Variants in NEK10 observed in about 807,000 individuals in gnomAD.
The protein encoded by NEK10 is NIMA related kinase 10, also known as serine/threonine-protein kinase Nek10.
A neutral mutation model predicts 159.8 loss-of-function variants in NEK10; 122 were observed. The ratio of observed to expected loss-of-function variants is 0.76; its 90% confidence interval spans 0.66 to 0.89. NEK10 has a LOEUF of 0.89. Among genes scored for constraint, NEK10 ranks in the 40% least tolerant of loss-of-function variants. The pLI is 0.00. For synonymous variants in NEK10, 466 were observed against 457.1 expected (o/e 1.02, Z -0.25); for missense variants, 1,342 against 1,323.1 (o/e 1.01, Z -0.22).
intron 19 of NEK10, among the ~76,000 whole-genome samples, chr3:27,289,814 C>A (rs1033695440): frequency 2.0e-5 from 3 of 152,138 alleles, no homozygotes; most frequent in Non-Finnish European, 4.4e-5. Flanking sequence ...ATAAAATAAA[C>A]AATTAATGAT....
chr3:27,170,096 A>G (rs1174732138), intron 29 of NEK10, among the ~76,000 whole-genome samples: 2 of 152,192 alleles, frequency 1.3e-5, no homozygotes, highest in African/African-American at 4.8e-5. Flanking sequence ...AATGACGTCT[A>G]AAGAACCCCC....
At chr3:27,210,459 A>G (rs1281257292) in intron 23 of NEK10, among the ~76,000 whole-genome samples, 1 of 152,144 alleles carries the variant, frequency 6.6e-6, no homozygotes, top group Non-Finnish European at 1.5e-5. Context: ...ATACTGCCAC[A>G]TGGGGAATTA....
At chr3:27,186,681 T>C (rs1423828811) in intron 26 of NEK10, among the ~76,000 whole-genome samples, 2 of 152,214 alleles carry the variant, frequency 1.3e-5, no homozygotes, top group Non-Finnish European at 2.9e-5. Flanking sequence ...TCTATTTTGC[T>C]AACTGTGGTA....
chr3:27,196,309 G>A (rs1949552216), intron 25 of NEK10, among the ~76,000 whole-genome samples: 1 of 152,176 alleles, frequency 6.6e-6, no homozygotes, highest in African/African-American at 2.4e-5. Flanking sequence ...GCCCTTAAAA[G>A]GGACAGGAAC....
intron 29 of NEK10, among the ~76,000 whole-genome samples, chr3:27,164,231 G>T (rs925980158): frequency 6.6e-6 from 1 of 152,146 alleles, no homozygotes; most frequent in Non-Finnish European, 1.5e-5. Flanking sequence ...TTGAAAAGAG[G>T]CATGATGACA....
At position 27,358,630 on chromosome 3, in the gene NEK10, A is replaced by G. The variant is rs1434568122; in HGVS notation, c.-37-5711T>C. 2.6e-5 allele frequency among the ~76,000 whole-genome samples: 4 copies of G among 152,146 alleles called. No individual in the cohort carries two copies. In the East Asian group the frequency reaches 7.7e-4, roughly 29 times the overall value. On this transcript the variant is annotated intron_variant, in intron 1 of 35. Coordinates refer to ENST00000691995, the MANE Select transcript of NEK10 (RefSeq NM_001394966.1). ...GAGTGTAATTAATCTAAATTGTGCA[A>G]TATTAACCTACTAACTAAATAACAT...
At chr3:27,206,076 C>T (rs1203049525) in intron 23 of NEK10, among the ~76,000 whole-genome samples, 1 of 152,180 alleles carries the variant, frequency 6.6e-6, no homozygotes, top group East Asian at 1.9e-4. Flanking sequence ...GAGGGCAGAG[C>T]CCTCATGACC....
At chr3:27,118,681 CAG>C (rs1346516674) in intron 33 of NEK10, among the ~76,000 whole-genome samples, 5 of 152,184 alleles carry the variant, frequency 3.3e-5, no homozygotes, top group Non-Finnish European at 5.9e-5. Context: ...TTCATTTCAT[CAG>C]AGTTTCTATG....
intron 23 of NEK10, among the ~76,000 whole-genome samples, chr3:27,248,175 C>T (rs1356781625): frequency 6.6e-6 from 1 of 152,132 alleles, no homozygotes; most frequent in African/African-American, 2.4e-5. Context: ...GTGGTAGCCA[C>T]TAATTATTCT....
chr3:27,272,722 C>G (rs2041465714), intron 22 of NEK10, among the ~76,000 whole-genome samples: 1 of 152,156 alleles, frequency 6.6e-6, no homozygotes, highest in Admixed American at 6.5e-5. Context: ...ACCAGGTACT[C>G]AAGATAAGAT....
At chr3:27,237,554 T>C (rs1334291159) in intron 23 of NEK10, among the ~76,000 whole-genome samples, 1 of 152,200 alleles carries the variant, frequency 6.6e-6, no homozygotes, top group Non-Finnish European at 1.5e-5. Flanking sequence ...GGTCCCTGAC[T>C]TCCCACAACA....
At chr3:27,323,023 G>A (rs987110747) in intron 5 of NEK10, among the ~76,000 whole-genome samples, 1 of 152,154 alleles carries the variant, frequency 6.6e-6, no homozygotes, top group Non-Finnish European at 1.5e-5. Flanking sequence ...GGGAAACACA[G>A]GGATAAAGTA....
chr3:27,343,834 C>T (rs936409598), intron 5 of NEK10, among the ~76,000 whole-genome samples: 1 of 152,244 alleles, frequency 6.6e-6, no homozygotes, highest in Non-Finnish European at 1.5e-5. Flanking sequence ...TGAAAAGAAA[C>T]ATCTTTATGA....
At chr3:27,214,720 G>C (rs1007523256) in intron 23 of NEK10, 6 of 704,348 alleles carry the variant, frequency 8.5e-6, no homozygotes, top group Admixed American at 7.3e-5. Context: ...CTTACTTCAC[G>C]GCACTTCAGT....
chr3:27,331,693 C>T (rs1028834845), intron 5 of NEK10, among the ~76,000 whole-genome samples: 15 of 152,274 alleles, frequency 9.9e-5, no homozygotes, highest in Non-Finnish European at 2.1e-4. Flanking sequence ...GATAGCTAAA[C>T]ACATAACTAT....
intron 5 of NEK10, among the ~76,000 whole-genome samples, chr3:27,340,175 C>T (rs180885144): frequency 6.6e-6 from 1 of 152,178 alleles, no homozygotes; most frequent in East Asian, 1.9e-4. Context: ...TACTATGCAG[C>T]CATAAAAAAG....
intron 31 of NEK10, 51 bp downstream of exon 31, chr3:27,141,431 C>A: frequency 3.7e-6 from 5 of 1,361,272 alleles, no homozygotes; most frequent in Non-Finnish European, 5.2e-6. Context: ...GCAATATTAG[C>A]ACCAAACTTG....
chr3:27,317,781 GTTTA>G (rs568337309), intron 6 of NEK10, among the ~76,000 whole-genome samples: 79 of 151,930 alleles, frequency 5.2e-4, no homozygotes, highest in African/African-American at 1.8e-3. Flanking sequence ...GCTCCATAAA[GTTTA>G]TTTATTTATT....
intron 28 of NEK10, 77 bp from the exon 29 acceptor site, chr3:27,171,950 T>C (rs749868480): frequency 1.4e-6 from 2 of 1,434,608 alleles, no homozygotes; most frequent in Non-Finnish European, 1.9e-6. Flanking sequence ...AATAAAACAA[T>C]ACTGAACAAC....
Sources: allele counts gnomAD v4.1 joint callset (sites outside exome capture counted in the v4.1 genomes callset), GRCh38; gene constraint gnomAD v4.1.1; transcripts MANE v1.5; gene names NCBI Gene and HGNC (gene_info 2026-07-23, HGNC 2026-07-21).